Variants in ATAD5 observed in about 807,000 individuals in gnomAD.
The protein encoded by ATAD5 is ATPase family AAA domain containing 5.
In ATAD5, 58 loss-of-function variants were observed where a neutral mutation model predicts 176.9. The observed-to-expected ratio is 0.33, with a 90% CI of 0.27 to 0.41. ATAD5 has a LOEUF of 0.41. ATAD5 is among the 10% of genes least tolerant of loss of function. The pLI, the probability that ATAD5 is intolerant of heterozygous loss-of-function variation, is 1.00. For synonymous variants in ATAD5, 640 were observed against 712.6 expected (o/e 0.90, Z 1.62); for missense variants, 1,789 against 2,094.1 (o/e 0.85, Z 2.84).
At position 30,842,209 on chromosome 17, in the gene ATAD5, C is replaced by T. The variant is rs1037340795; in HGVS notation, c.2241+1428C>T. Among the ~76,000 whole-genome samples the T allele has an allele frequency of 1.1e-4, 17 of 152,116 alleles. No individual in the cohort carries two copies. The East Asian group carries it at 3.1e-3, about 28-fold the overall frequency. On this transcript the variant is annotated intron_variant, in intron 4 of 22. Coordinates refer to ENST00000321990, the MANE Select transcript of ATAD5 (RefSeq NM_024857.5). ...ACTTGAACCCGGGAGGCGGAGGTTGCAGTGAGCTGAGACCACACCATTGCC... is the reference window on the plus strand; with the variant it reads ...ACTTGAACCCGGGAGGCGGAGGTTGTAGTGAGCTGAGACCACACCATTGCC...
chr17:30,857,127 G>A lies in ATAD5; in HGVS notation c.2793+15G>A, dbSNP rs2142364212. On this transcript the variant is annotated intron_variant, in intron 8 of 22. Coordinates refer to ENST00000321990, the MANE Select transcript of ATAD5 (RefSeq NM_024857.5). ...CTGCTGCTGTGGTAAGTATTAAATA[G>A]TTCATCCATTGTAGAGTGTTTCCCT... 6.3e-7 allele frequency: 1 copy of A among 1,599,202 alleles called. No homozygotes were observed. Among genetic ancestry groups the A allele is most frequent in the East Asian group, 2.3e-5 (1 of 44,192 alleles).
chr17:30,833,752 C>G (rs764541585), intron 1 of ATAD5, among the ~76,000 whole-genome samples: 1 of 152,212 alleles, frequency 6.6e-6, no homozygotes, highest in Admixed American at 6.5e-5. Flanking sequence ...ACAATCTTGG[C>G]TCACTGCAAC....
Position 30,835,091 on chromosome 17 carries a change from G to A in ATAD5, c.1010G>A (p.Gly337Glu). The A allele has an allele frequency of 6.2e-7, 1 of 1,613,954 alleles. No homozygotes were observed. The highest frequency in any genetic ancestry group is 1.3e-5 in the African/African-American group (1 of 75,020). The change falls in exon 2 of 23, where the codon GGG becomes GAG. Residue 337 changes from glycine to glutamate, a missense_variant. Gly to Glu is a moderately conservative substitution (Grantham distance 98). Coordinates refer to ENST00000321990, the MANE Select transcript of ATAD5 (RefSeq NM_024857.5). ...QVHPIPPKKT[G>E]KIPRIFLKQK... ...CACCCTATTCCGCCCAAAAAGACAG[G>A]GAAAATACCCCGAATTTTCTTGAAA... is the stretch of plus-strand genomic sequence containing the variant.
At chr17:30,881,021 G>A (rs1479798431) in intron 18 of ATAD5, among the ~76,000 whole-genome samples, 2 of 151,068 alleles carry the variant, frequency 1.3e-5, no homozygotes, top group Non-Finnish European at 2.9e-5. Context: ...GATGAACAAG[G>A]CACTTTTTTA....
At chr17:30,861,120 A>G (rs1907604690) in intron 10 of ATAD5, among the ~76,000 whole-genome samples, 1 of 151,348 alleles carries the variant, frequency 6.6e-6, no homozygotes, top group Admixed American at 6.6e-5. Flanking sequence ...GGTAATTTTT[A>G]TATTTTTAGT....
intron 3 of ATAD5, among the ~76,000 whole-genome samples, chr17:30,838,490 G>T (rs1201015325): frequency 1.3e-5 from 2 of 152,102 alleles, no homozygotes; most frequent in Non-Finnish European, 2.9e-5. Context: ...AGTTCATAGG[G>T]TGAGGAAACG....
At chr17:30,848,249 C>CT (rs754266011) in intron 6 of ATAD5, among the ~76,000 whole-genome samples, 146 of 142,998 alleles carry the variant, frequency 1.0e-3, no homozygotes, top group East Asian at 2.9e-3. Context: ...CATTATCAGG[C>CT]TTTTTTTTTT....
chr17:30,888,247 C>T (rs1057231623), intron 19 of ATAD5, among the ~76,000 whole-genome samples: 2 of 152,070 alleles, frequency 1.3e-5, no homozygotes, highest in Non-Finnish European at 2.9e-5. Context: ...ATGCACATGT[C>T]AACTTTGTTC....
At chr17:30,850,188 A>T (rs1304258021) in intron 6 of ATAD5, among the ~76,000 whole-genome samples, 1 of 151,930 alleles carries the variant, frequency 6.6e-6, no homozygotes, top group Non-Finnish European at 1.5e-5. Context: ...GAAAATATAT[A>T]ATAAATTTTT....
At chr17:30,869,226 A>G in intron 12 of ATAD5, 22 bp from the exon 13 acceptor site, 1 of 1,586,278 alleles carries the variant, frequency 6.3e-7, no homozygotes, top group South Asian at 1.2e-5. Flanking sequence ...GTCATTTTAT[A>G]TGCATTTGAA....
At chr17:30,832,999 G>GGCT (rs1905474832) in intron 1 of ATAD5, among the ~76,000 whole-genome samples, 1 of 152,216 alleles carries the variant, frequency 6.6e-6, no homozygotes, top group Non-Finnish European at 1.5e-5. Context: ...CTAATGCCAT[G>GGCT]AAGTAGTGGG....
At chr17:30,842,474 C>T (rs1296373571) in intron 4 of ATAD5, among the ~76,000 whole-genome samples, 1 of 152,024 alleles carries the variant, frequency 6.6e-6, no homozygotes, top group East Asian at 1.9e-4. Context: ...TCCCTCTCTC[C>T]CCTACATTCA....
Position 30,844,058 on chromosome 17 carries a change from A to C in ATAD5, c.2368+19A>C, listed in dbSNP as rs1265959460. ...GTACCTGGTAATCAGAGTTAATAAT[A>C]TTTATGATGTATATTAGAATGTTTT... is the stretch of plus-strand genomic sequence containing the variant. On this transcript the variant is annotated intron_variant, in intron 5 of 22. Transcript: ENST00000321990. 6.7e-7 allele frequency: 1 copy of C among 1,497,536 alleles called. No homozygotes were observed. Among genetic ancestry groups the C allele is most frequent in the Non-Finnish European group, 8.9e-7 (1 of 1,117,478 alleles). 92.8% of individuals were successfully genotyped at this position (1,497,536 alleles called of 1,614,324 possible).
chr17:30,843,514 G>T (rs1235867276), intron 4 of ATAD5, among the ~76,000 whole-genome samples: 1 of 152,002 alleles, frequency 6.6e-6, no homozygotes, highest in Non-Finnish European at 1.5e-5. Flanking sequence ...GCTGGGCGTG[G>T]TGGCGCGCAC....
In ATAD5 at chr17:30,860,445, A is replaced by T. The variant is rs117609129; in HGVS notation, c.2969A>T (p.Asp990Val). The T allele has an allele frequency of 9.6e-4, 1,534 of 1,590,552 alleles. No homozygotes were observed. The highest frequency in any genetic ancestry group is 1.1e-3 in the Non-Finnish European group (1,343 of 1,174,712). ...ATTCCCAAAGCAGAACTGGAGGCTG[A>T]TGTCAGCCATAAAGAAACCAAAAGG... ...ECHSKQELEADVSHKETKRKL... is the reference protein window; with the variant it reads ...ECHSKQELEAVVSHKETKRKL... Residue 990 changes from aspartate (D) to valine (V), a missense_variant, in exon 10 of 23, where the codon GAT becomes GTT. Around this residue, in one of 6 missense-constraint regions of ATAD5, gnomAD observed 487 missense variants for 573.6 expected, o/e 0.85. Transcript: ENST00000321990.
At chr17:30,853,114 T>C (rs1041718583) in intron 6 of ATAD5, among the ~76,000 whole-genome samples, 28 of 151,888 alleles carry the variant, frequency 1.8e-4, no homozygotes, top group Non-Finnish European at 3.5e-4. Context: ...GGTCTTGAAC[T>C]CCTGACCTCA....
rs757879020 is a variant in ATAD5 at position 30,834,324 on chromosome 17, G to C, written c.243G>C (p.Glu81Asp). The change falls in exon 2 of 23, where the codon GAG becomes GAC. Residue 81 changes from glutamate (E) to aspartate (D), a missense_variant. Around this residue, in one of 6 missense-constraint regions of ATAD5, gnomAD observed 696 missense variants for 712.5 expected, o/e 0.98. Transcript: ENST00000321990. ...PTNEKTQLGK[E>D]CKIKSPESVP... ...ATGAGAAGACACAATTAGGGAAAGA[G>C]TGCAAGATAAAGTCACCTGAATCAG... 1 of 1,613,044 alleles carries C rather than the reference G, an allele frequency of 6.2e-7. No individual in the cohort carries two copies. The highest frequency in any genetic ancestry group is 8.5e-7 in the Non-Finnish European group (1 of 1,179,726).
chr17:30,889,406 TAAAC>T, intron 19 of ATAD5, among the ~76,000 whole-genome samples: 1 of 151,556 alleles, frequency 6.6e-6, no homozygotes, highest in African/African-American at 2.4e-5. Flanking sequence ...ATAGTACTTA[TAAAC>T]AAATGATACT....
Position 30,875,859 on chromosome 17 carries a change from C to T in ATAD5, c.3608-515C>T, listed in dbSNP as rs138879442. Among the ~76,000 whole-genome samples, 361 of 150,182 alleles carry T rather than the reference C, an allele frequency of 2.4e-3. 4 individuals carry two copies. Among genetic ancestry groups the T allele is most frequent in the African/African-American group, 8.5e-3 (350 of 40,960 alleles). ...GTCTTTTCTAAATGACTGGCTTGGC[C>T]GTGTGCGGTGGCTCATGCCTGTAAT... On this transcript the variant is annotated intron_variant, in intron 14 of 22. Coordinates refer to ENST00000321990, the MANE Select transcript of ATAD5 (RefSeq NM_024857.5).
Sources: allele counts gnomAD v4.1 joint callset (sites outside exome capture counted in the v4.1 genomes callset), GRCh38; gene constraint gnomAD v4.1.1; regional missense constraint gnomAD v4.1.1; transcripts MANE v1.5; gene names NCBI Gene and HGNC (gene_info 2026-07-23, HGNC 2026-07-21).